The following COL23A1 variants were observed in gnomAD, a reference collection of about 807,000 sequenced individuals.
The protein encoded by COL23A1 is collagen alpha-1(XXIII) chain.
A neutral mutation model predicts 99.3 loss-of-function variants in COL23A1; 97 were observed. That is an observed-to-expected ratio of 0.98 (90% CI 0.83 to 1.16). The LOEUF (loss-of-function observed/expected upper bound fraction) is 1.16, where lower values mean the gene tolerates loss of function less well. COL23A1 is among the 50% of genes most tolerant of loss of function. COL23A1 has a pLI of 0.00. For synonymous variants in COL23A1, 320 were observed against 308.2 expected, an observed-to-expected ratio of 1.04 and a Z score of -0.40; for missense variants, 762 against 757.4, an observed-to-expected ratio of 1.01 and a Z score of -0.07.
chr5:178,425,975 G>A (rs947304784), intron 2 of COL23A1, among the ~76,000 whole-genome samples: 2 of 152,130 alleles, frequency 1.3e-5, no homozygotes, highest in Non-Finnish European at 2.9e-5. Flanking sequence ...TGCCACGGTG[G>A]GGTCCTGAGT....
rs1024893924 is a variant in COL23A1, at chr5:178,590,047, A to G, written c.151T>C (p.Cys51Arg). The G allele has an allele frequency of 2.2e-6, 3 of 1,349,060 alleles. No individual in the cohort carries two copies. Among genetic ancestry groups the G allele is most frequent in the Non-Finnish European group, 2.9e-6 (3 of 1,046,968 alleles). 83.6% of individuals were successfully genotyped at this position (1,349,060 alleles called of 1,614,324 possible). ...GCCGCCTGGACACCCAGCAGCAGGC[A>G]GGCAGCCGCCGAGCCCACGGAGAGC... ...LLLSVGSAAA[C>R]LLLGVQAAAL... The change falls in exon 1 of 29, where the codon TGC becomes CGC. Residue 51 changes from cysteine (C) to arginine (R), a missense_variant. Transcript: ENST00000390654. The surrounding 1 kb of genome is among the most constrained non-coding windows in gnomAD (Gnocchi z 5.7).
Position 178,257,580 on chromosome 5 carries a change from C to T in COL23A1, c.730-13G>A, listed in dbSNP as rs1187093307. The stretch of plus-strand genomic sequence containing the variant: ...TCCCATCGTCGCCCTGAGGAGAGGA[C>T]ACCTGGGGCTTGCCGGTCAGACCCT... On this transcript the variant is annotated splice_polypyrimidine_tract_variant and intron_variant, in intron 12 of 28. Transcript: ENST00000390654. 1 of 1,554,542 alleles carries T rather than the reference C, an allele frequency of 6.4e-7. No homozygotes were observed. The highest frequency in any genetic ancestry group is 8.7e-7 in the Non-Finnish European group (1 of 1,149,088).
chr5:178,442,264 G>A (rs9329146), intron 2 of COL23A1, among the ~76,000 whole-genome samples: 39,192 of 138,418 alleles, frequency 0.28, 8,040 homozygotes, highest in African/African-American at 0.66. Context: ...CTGAGGCACA[G>A]AAGTCTTATG....
At chr5:178,566,613 C>T (rs923236456) in intron 1 of COL23A1, among the ~76,000 whole-genome samples, 60 of 152,016 alleles carry the variant, frequency 3.9e-4, no homozygotes, top group Non-Finnish European at 4.1e-4. Flanking sequence ...GTCAGGAGTT[C>T]GAGACCAGCC....
At chr5:178,457,360 C>T (rs1431936607) in intron 2 of COL23A1, among the ~76,000 whole-genome samples, 1 of 152,108 alleles carries the variant, frequency 6.6e-6, no homozygotes, top group Non-Finnish European at 1.5e-5. Context: ...ACTACAAGTG[C>T]CCGCCACCAC....
intron 1 of COL23A1, 24 bp from the exon 2 acceptor site, chr5:178,560,772 A>G: frequency 6.3e-7 from 1 of 1,595,088 alleles, no homozygotes; most frequent in Non-Finnish European, 8.5e-7. Flanking sequence ...AAAAAAAGAA[A>G]AAAAACGAGG....
intron 3 of COL23A1, among the ~76,000 whole-genome samples, chr5:178,297,824 C>A (rs913221986): frequency 6.6e-6 from 1 of 152,142 alleles, no homozygotes; most frequent in Admixed American, 6.5e-5. Context: ...AGGGCAAGAG[C>A]ACCTGGAGGC....
rs370301814 is a variant in COL23A1, at chr5:178,588,981, A to G, written c.294+923T>C. 1.1e-3 allele frequency among the ~76,000 whole-genome samples: 160 copies of G among 152,206 alleles called. 1 individual carries two copies. The highest frequency in any genetic ancestry group is 0.01 in the Middle Eastern group (3 of 294). The stretch of plus-strand genomic sequence containing the variant: ...GAGAAGGAGGAAGGCTCGGCAGGGG[A>G]GGCTCTGGCCAGCCCACCAGGGCCT... On this transcript the variant is annotated intron_variant, in intron 1 of 28. Coordinates refer to ENST00000390654, the MANE Select transcript of COL23A1 (RefSeq NM_173465.4).
At chr5:178,579,178 G>A (rs1763537315) in intron 1 of COL23A1, among the ~76,000 whole-genome samples, 1 of 152,124 alleles carries the variant, frequency 6.6e-6, no homozygotes, top group East Asian at 1.9e-4. Context: ...GTCACCATGG[G>A]ACCTCGATTA....
chr5:178,353,630 T>A (rs1447163718), intron 2 of COL23A1, among the ~76,000 whole-genome samples: 2 of 152,136 alleles, frequency 1.3e-5, no homozygotes, highest in Non-Finnish European at 2.9e-5. Context: ...CAGCTTCTCC[T>A]CTCTTAGGAT....
intron 2 of COL23A1, among the ~76,000 whole-genome samples, chr5:178,397,355 G>T (rs1764206858): frequency 6.6e-6 from 1 of 152,242 alleles, no homozygotes; most frequent in South Asian, 2.1e-4. Context: ...AGTGAGGCGG[G>T]GCAAGGATTT....
rs76105246 is a variant in COL23A1 at position 178,280,863 on chromosome 5, G to A, written c.441+7461C>T. On this transcript the variant is annotated intron_variant, in intron 5 of 28. Transcript: ENST00000390654. This position sits in a 1 kb window ranked among gnomAD's most constrained non-coding sequence, Gnocchi z 4.9. Reference sequence around the variant, plus strand: ...ATGCAAAAAACTGCAGCAGATACAGGAGGCATCTGGGAGCCGAGGGCGGAG... The same window carrying A: ...ATGCAAAAAACTGCAGCAGATACAGAAGGCATCTGGGAGCCGAGGGCGGAG... Among the ~76,000 whole-genome samples, 1 of 152,176 alleles carries A rather than the reference G, an allele frequency of 6.6e-6. No homozygotes were observed. Among genetic ancestry groups the A allele is most frequent in the Non-Finnish European group, 1.5e-5 (1 of 68,032 alleles).
intron 1 of COL23A1, among the ~76,000 whole-genome samples, chr5:178,580,548 T>C (rs990157801): frequency 1.3e-5 from 2 of 152,108 alleles, no homozygotes; most frequent in African/African-American, 2.4e-5. Context: ...TGCGTGCCTA[T>C]GTCAACAGTT....
chr5:178,425,672 C>G (rs919457460), intron 2 of COL23A1, among the ~76,000 whole-genome samples: 13 of 152,144 alleles, frequency 8.5e-5, no homozygotes, highest in African/African-American at 3.1e-4. Context: ...GGTCTGCCGG[C>G]AACTGGAGGG....
chr5:178,463,511 C>G (rs946313674), intron 2 of COL23A1, among the ~76,000 whole-genome samples: 3 of 152,144 alleles, frequency 2.0e-5, no homozygotes, highest in African/African-American at 7.2e-5. Flanking sequence ...TAGGAGCACT[C>G]CCTGCATGCC....
intron 3 of COL23A1, among the ~76,000 whole-genome samples, chr5:178,297,980 A>T (rs1362168716): frequency 6.6e-6 from 1 of 152,346 alleles, no homozygotes; most frequent in Admixed American, 6.5e-5. Context: ...GGTCCACGCC[A>T]GCCAGGGGTT....
intron 2 of COL23A1, among the ~76,000 whole-genome samples, chr5:178,408,973 A>AAAACAC (rs1554161384): frequency 1.6e-5 from 1 of 61,916 alleles, no homozygotes; most frequent in Non-Finnish European, 3.0e-5. Flanking sequence ...AAAAAAAAAA[A>AAAACAC]ATACACACAC....
intron 27 of COL23A1, among the ~76,000 whole-genome samples, chr5:178,240,043 C>G (rs1764309758): frequency 6.6e-6 from 1 of 152,144 alleles, no homozygotes; most frequent in Non-Finnish European, 1.5e-5. Context: ...CCTGTGCTGG[C>G]TGGAGCAGGG....
Position 178,542,418 on chromosome 5 carries a change from A to C in COL23A1, c.361+18264T>G, listed in dbSNP as rs546720487. 1.8e-3 allele frequency among the ~76,000 whole-genome samples: 267 copies of C among 152,342 alleles called. 2 individuals are homozygous for C. The highest frequency in any genetic ancestry group is 5.8e-3 in the African/African-American group (241 of 41,586). On this transcript the variant is annotated intron_variant, in intron 2 of 28. Coordinates refer to ENST00000390654, the MANE Select transcript of COL23A1 (RefSeq NM_173465.4). ...TAAGTTTATTAAAGTGACAAAAGCT[A>C]TAATGGGTGGCAGAGTCACAGAATA...
Sources: gnomAD v4.1 joint callset for allele counts (sites outside exome capture counted in the v4.1 genomes callset) on GRCh38, gnomAD v4.1.1 for gene constraint, Gnocchi (gnomAD v3.1) non-coding constraint, MANE v1.5 for transcripts, NCBI Gene and HGNC (gene_info 2026-07-23, HGNC 2026-07-21) for gene names.